ZBTB20: variants seen among roughly 807,000 people sequenced by gnomAD.
The protein encoded by ZBTB20 is zinc finger and BTB domain-containing protein 20.
Under a neutral mutation model 56.9 loss-of-function variants are expected in ZBTB20, and 9 were observed. The ratio of observed to expected loss-of-function variants is 0.16; its 90% CI spans 0.10 to 0.28. The LOEUF (loss-of-function observed/expected upper bound fraction) is 0.28, where lower values mean the gene tolerates loss of function less well. Ranked by LOEUF, ZBTB20 falls within the 10% of genes least tolerant of loss-of-function variation. ZBTB20 has a pLI of 1.00. For synonymous variants in ZBTB20, 417 were observed against 420.7 expected (o/e 0.99, Z 0.11); for missense variants, 655 against 1,003.0 (o/e 0.65, Z 4.69).
At chr3:114,920,788 G>T (rs1035944357) in intron 3 of ZBTB20, among the ~76,000 whole-genome samples, 10 of 151,636 alleles carry the variant, frequency 6.6e-5, no homozygotes, top group African/African-American at 1.5e-4. Flanking sequence ...AAAAATAATA[G>T]AAAAGATCAG....
intron 4 of ZBTB20, among the ~76,000 whole-genome samples, chr3:114,836,149 A>G (rs1192952362): frequency 1.3e-5 from 2 of 152,230 alleles, no homozygotes; most frequent in African/African-American, 4.8e-5. Flanking sequence ...GTCTGACTCA[A>G]GGAAAGGCCA....
At chr3:114,583,834 A>G (rs770022296) in intron 6 of ZBTB20, among the ~76,000 whole-genome samples, 10 of 152,228 alleles carry the variant, frequency 6.6e-5, no homozygotes, top group Non-Finnish European at 1.2e-4. Context: ...TATTAAAATG[A>G]GACTGTCTTT....
chr3:115,006,480 T>TATATATATATATATATATATATATAA (rs1305434358), intron 2 of ZBTB20, among the ~76,000 whole-genome samples: 2 of 151,400 alleles, frequency 1.3e-5, no homozygotes, highest in African/African-American at 4.8e-5. Flanking sequence ...TATATATATA[T>TATATATATATATATATATATATATAA]AACCATTTGT....
chr3:114,823,071 C>CT lies in ZBTB20; in HGVS notation c.-416-21898dup, dbSNP rs1213144224. 2.6e-5 allele frequency among the ~76,000 whole-genome samples: 4 copies of CT among 152,144 alleles called. No individual in the cohort carries two copies. In the East Asian group the frequency reaches 7.7e-4, roughly 29 times the overall value. On this transcript the variant is annotated intron_variant, in intron 4 of 11. Coordinates refer to ENST00000675478, the MANE Select transcript of ZBTB20 (RefSeq NM_001348800.3). The stretch of plus-strand genomic sequence containing the variant: ...CAACTAAGATAATGCTATAGAAATC[C>CT]TACATAAAACTTGAACTTACAATGT...
chr3:114,375,925 C>G (rs1484273758), intron 10 of ZBTB20: 2 of 152,218 alleles, frequency 1.3e-5, no homozygotes, highest in Admixed American at 1.3e-4. Flanking sequence ...TGGGAAGGAA[C>G]ATGCACCAAA....
At chr3:114,895,865 GT>G (rs1015909886) in intron 4 of ZBTB20, among the ~76,000 whole-genome samples, 1 of 152,138 alleles carries the variant, frequency 6.6e-6, no homozygotes, top group Non-Finnish European at 1.5e-5. Context: ...TTGAGGCTTA[GT>G]AAGCTCTGCC....
At chr3:115,049,851 T>C (rs2081476767) in intron 2 of ZBTB20, among the ~76,000 whole-genome samples, 1 of 152,094 alleles carries the variant, frequency 6.6e-6, no homozygotes, top group Non-Finnish European at 1.5e-5. Context: ...GCTTTAGAGG[T>C]CAATCTGCTA....
chr3:114,563,856 T>C, intron 6 of ZBTB20, among the ~76,000 whole-genome samples: 1 of 152,234 alleles, frequency 6.6e-6, no homozygotes, highest in Non-Finnish European at 1.5e-5. Flanking sequence ...CTTAACTAGA[T>C]AACTTTCAAT....
chr3:114,933,880 C>T (rs554919005), intron 3 of ZBTB20, among the ~76,000 whole-genome samples: 7 of 152,284 alleles, frequency 4.6e-5, no homozygotes, highest in South Asian at 2.1e-4. Context: ...CCTCCCCCTT[C>T]GGTATCAGCA....
At chr3:115,022,061 A>G (rs575864736) in intron 2 of ZBTB20, among the ~76,000 whole-genome samples, 1 of 150,854 alleles carries the variant, frequency 6.6e-6, no homozygotes, top group South Asian at 2.1e-4. Context: ...ATTTGTTCAA[A>G]AGATTTGAAT....
At position 114,772,533 on chromosome 3, in the gene ZBTB20, A is replaced by G. The variant is rs111877516; in HGVS notation, c.-343+28568T>C. On this transcript the variant is annotated intron_variant, in intron 5 of 11. Coordinates refer to ENST00000675478, the MANE Select transcript of ZBTB20 (RefSeq NM_001348800.3). Reference sequence around the variant, plus strand: ...GGTCTACCTCAAGCCCTAATGGTCAACTTGGTTTTCCCTCGCCCCTAGTTA... The same window carrying G: ...GGTCTACCTCAAGCCCTAATGGTCAGCTTGGTTTTCCCTCGCCCCTAGTTA... Among the ~76,000 whole-genome samples, 1,165 of 152,122 alleles carry G rather than the reference A, an allele frequency of 7.7e-3. 10 individuals are homozygous for G. Among genetic ancestry groups the G allele is most frequent in the African/African-American group, 0.027 (1,116 of 41,492 alleles).
intron 2 of ZBTB20, among the ~76,000 whole-genome samples, chr3:115,069,924 A>C (rs958411430): frequency 5.3e-5 from 8 of 152,144 alleles, no homozygotes; most frequent in Admixed American, 4.6e-4. Context: ...TGAGATACAG[A>C]AAGAAACTGA....
intron 5 of ZBTB20, among the ~76,000 whole-genome samples, chr3:114,724,832 AAG>A (rs2065158532): frequency 6.6e-6 from 1 of 152,226 alleles, no homozygotes; most frequent in African/African-American, 2.4e-5. Flanking sequence ...GCCAAAGAAA[AAG>A]AGAGTGAGTC....
chr3:114,480,603 T>G (rs2041423941), intron 7 of ZBTB20, among the ~76,000 whole-genome samples: 1 of 152,210 alleles, frequency 6.6e-6, no homozygotes, highest in Non-Finnish European at 1.5e-5. Context: ...TGGTCAGGTT[T>G]GAACTGAAGA....
chr3:114,768,727 T>C (rs994901842), intron 5 of ZBTB20, among the ~76,000 whole-genome samples: 4 of 152,196 alleles, frequency 2.6e-5, no homozygotes, highest in African/African-American at 9.6e-5. Context: ...GATGTGACTA[T>C]CAACTCTGGA....
chr3:115,092,570 A>C (rs1367275546), intron 1 of ZBTB20, among the ~76,000 whole-genome samples: 1 of 152,146 alleles, frequency 6.6e-6, no homozygotes, highest in Non-Finnish European at 1.5e-5. Flanking sequence ...AGAAATGTCC[A>C]AAGGCATAGA....
chr3:114,707,952 T>C (rs1261717083), intron 5 of ZBTB20, among the ~76,000 whole-genome samples: 1 of 152,176 alleles, frequency 6.6e-6, no homozygotes, highest in Non-Finnish European at 1.5e-5. Flanking sequence ...ATCATGGTAC[T>C]TGGAATTGCA....
chr3:114,788,649 C>G (rs1227850126), intron 5 of ZBTB20, among the ~76,000 whole-genome samples: 1 of 152,126 alleles, frequency 6.6e-6, no homozygotes, highest in Non-Finnish European at 1.5e-5. Flanking sequence ...CCTCACTAGT[C>G]AGACTCAAGT....
At chr3:115,143,703 T>A in intron 1 of ZBTB20, among the ~76,000 whole-genome samples, 1 of 152,216 alleles carries the variant, frequency 6.6e-6, no homozygotes, top group South Asian at 2.1e-4. Context: ...AGCAACGTTT[T>A]ATTAATTTCA....
Sources: gnomAD v4.1 joint callset for allele counts (sites outside exome capture counted in the v4.1 genomes callset) on GRCh38, gnomAD v4.1.1 for gene constraint, MANE v1.5 for transcripts, NCBI Gene and HGNC (gene_info 2026-07-23, HGNC 2026-07-21) for gene names.